Variants in PPP3CA observed in about 807,000 individuals in gnomAD.
The protein encoded by PPP3CA is CAM-PRP catalytic subunit.
Under a neutral mutation model 66.5 loss-of-function variants are expected in PPP3CA, and 14 were observed. The observed-to-expected ratio is 0.21, with a 90% CI of 0.14 to 0.33. The LOEUF is 0.33. Among genes scored for constraint, PPP3CA ranks in the 10% least tolerant of loss-of-function variants. The probability of loss-of-function intolerance (pLI) is 1.00; values close to 1 mark genes in which losing one functional copy is unlikely to be tolerated. For missense variants in PPP3CA, 317 were observed against 639.5 expected, an observed-to-expected ratio of 0.50 and a Z score of 5.44; for synonymous variants, 232 against 226.2, an observed-to-expected ratio of 1.03 and a Z score of -0.23.
At chr4:101,105,093 A>T (rs1438271616) in intron 3 of PPP3CA, among the ~76,000 whole-genome samples, 1 of 152,100 alleles carries the variant, frequency 6.6e-6, no homozygotes, top group East Asian at 1.9e-4. Flanking sequence ...ATCTAGATTA[A>T]TTGTAGACTT....
At chr4:101,335,743 T>C (rs1729609800) in intron 1 of PPP3CA, among the ~76,000 whole-genome samples, 1 of 151,950 alleles carries the variant, frequency 6.6e-6, no homozygotes, top group Non-Finnish European at 1.5e-5. Context: ...AGTTCCAAGT[T>C]GGCATGAGGA....
intron 1 of PPP3CA, among the ~76,000 whole-genome samples, chr4:101,284,863 A>G (rs186954176): frequency 1.6e-4 from 24 of 152,292 alleles, no homozygotes; most frequent in African/African-American, 5.8e-4. Flanking sequence ...ATCTGTACAG[A>G]TTGGAATCTG....
At chr4:101,204,107 C>G (rs908385242) in intron 1 of PPP3CA, among the ~76,000 whole-genome samples, 1 of 151,982 alleles carries the variant, frequency 6.6e-6, no homozygotes, top group Non-Finnish European at 1.5e-5. Context: ...CTGAGCTCAA[C>G]CAATCCTCCC....
rs142577171 is a variant in PPP3CA at position 101,300,167 on chromosome 4, C to G, written c.58+46572G>C. Among the ~76,000 whole-genome samples, 1,262 of 152,278 alleles carry G rather than the reference C, an allele frequency of 8.3e-3. 17 individuals are homozygous for G. Among genetic ancestry groups the G allele is most frequent in the African/African-American group, 0.029 (1,217 of 41,548 alleles). On this transcript the variant is annotated intron_variant, in intron 1 of 13. Transcript: ENST00000394854. ...AAATAGGGTCATACCACAAATCAGA[C>G]AAATAAGCTACAAATTAGCTTCACT...
chr4:101,221,786 A>C (rs1725632846), intron 1 of PPP3CA, among the ~76,000 whole-genome samples: 1 of 151,556 alleles, frequency 6.6e-6, no homozygotes, highest in South Asian at 2.1e-4. Flanking sequence ...TACAAAAATA[A>C]TATATAACAG....
chr4:101,205,733 T>A (rs895840574), intron 1 of PPP3CA, among the ~76,000 whole-genome samples: 2 of 152,200 alleles, frequency 1.3e-5, no homozygotes, highest in African/African-American at 4.8e-5. Flanking sequence ...GAATTGACTT[T>A]CTCTTCTTTC....
At chr4:101,196,198 T>C (rs1405467885) in intron 1 of PPP3CA, 82 bp from the exon 2 acceptor site, 10 of 1,271,026 alleles carry the variant, frequency 7.9e-6, no homozygotes, top group Non-Finnish European at 1.1e-5. Context: ...ATATCCATCC[T>C]CATCACAAAC....
chr4:101,331,949 G>T (rs961423189), intron 1 of PPP3CA, among the ~76,000 whole-genome samples: 12 of 152,066 alleles, frequency 7.9e-5, no homozygotes, highest in Non-Finnish European at 1.5e-4. Context: ...TCAAGTGTTC[G>T]TTTTAGAAAA....
chr4:101,095,798 C>T (rs781339961), intron 5 of PPP3CA, among the ~76,000 whole-genome samples: 22 of 151,958 alleles, frequency 1.4e-4, no homozygotes, highest in Admixed American at 7.9e-4. Flanking sequence ...ATTACAGGCG[C>T]GCGCCACCAT....
rs896802852 is a variant in PPP3CA, at chr4:101,145,171, CT to C, written c.260-36094del. 1.8e-4 allele frequency among the ~76,000 whole-genome samples: 27 copies of C among 152,142 alleles called. 1 individual carries two copies. Among genetic ancestry groups the C allele is most frequent in the African/African-American group, 6.5e-4 (27 of 41,526 alleles). ...CAGGAAAAAAAATCTTAAAAGGAAA[CT>C]TTGTCTGCTGTTGGTGAGAATGTAA... On this transcript the variant is annotated intron_variant, in intron 2 of 13. Transcript: ENST00000394854.
At chr4:101,178,489 C>G (rs1300410484) in intron 2 of PPP3CA, among the ~76,000 whole-genome samples, 1 of 152,032 alleles carries the variant, frequency 6.6e-6, no homozygotes, top group Non-Finnish European at 1.5e-5. Flanking sequence ...TGTATTCTAT[C>G]TAACAAATAT....
At chr4:101,081,342 A>G (rs1435079012) in intron 7 of PPP3CA, among the ~76,000 whole-genome samples, 1 of 152,184 alleles carries the variant, frequency 6.6e-6, no homozygotes, top group Non-Finnish European at 1.5e-5. Flanking sequence ...TCTACAGGTC[A>G]AAGATTATTG....
chr4:101,035,827 C>A (rs1199530279), intron 11 of PPP3CA, among the ~76,000 whole-genome samples: 1 of 152,192 alleles, frequency 6.6e-6, no homozygotes, highest in Non-Finnish European at 1.5e-5. Context: ...GATATCTCTG[C>A]AGTAATTTCC....
At chr4:101,095,947 G>A (rs1361882595) in intron 5 of PPP3CA, among the ~76,000 whole-genome samples, 2 of 152,114 alleles carry the variant, frequency 1.3e-5, no homozygotes, top group Non-Finnish European at 2.9e-5. Context: ...ACCATGCTTG[G>A]CCCAGAAAGA....
intron 2 of PPP3CA, among the ~76,000 whole-genome samples, chr4:101,138,776 C>G (rs1253562529): frequency 2.0e-5 from 3 of 152,130 alleles, no homozygotes; most frequent in Non-Finnish European, 1.5e-5. Context: ...TGATATAATA[C>G]ATGAGTATTT....
chr4:101,299,987 A>C (rs1403168615), intron 1 of PPP3CA, among the ~76,000 whole-genome samples: 1 of 152,202 alleles, frequency 6.6e-6, no homozygotes, highest in African/African-American at 2.4e-5. Context: ...ATAATCTCTT[A>C]AAAGCATAAA....
At chr4:101,308,554 T>C (rs934053926) in intron 1 of PPP3CA, among the ~76,000 whole-genome samples, 1 of 152,132 alleles carries the variant, frequency 6.6e-6, no homozygotes, top group African/African-American at 2.4e-5. Flanking sequence ...CAAGTGATCT[T>C]GCAGCTTCAG....
In PPP3CA at chr4:101,106,500, GAAAGAAAGAAAGA is replaced by G. The variant is rs1235832074; in HGVS notation, c.384+2441_384+2453del. ...GAAAAGAAAAGAAAAGAAAAGAAAA[GAAAGAAAGAAAGA>G]AAAAGAAAGAAAACATTCTATATAA... On this transcript the variant is annotated intron_variant, in intron 3 of 13. Coordinates refer to ENST00000394854, the MANE Select transcript of PPP3CA (RefSeq NM_000944.5). Among the ~76,000 whole-genome samples, 2 of 75,610 alleles carry G rather than the reference GAAAGAAAGAAAGA, an allele frequency of 2.6e-5. 1 individual carries two copies. The highest frequency in any genetic ancestry group is 9.5e-5 in the African/African-American group (2 of 20,958). The allele number at this position is 75,610 out of a possible 152,430, so 49.6% of individuals were successfully genotyped here.
intron 10 of PPP3CA, among the ~76,000 whole-genome samples, chr4:101,046,249 T>C (rs187583606): frequency 4.7e-5 from 7 of 149,074 alleles, no homozygotes; most frequent in African/African-American, 1.5e-4. Context: ...CTGTAAGAAA[T>C]AAAAACGACC....
Sources: gnomAD v4.1 joint callset for allele counts (sites outside exome capture counted in the v4.1 genomes callset) on GRCh38, gnomAD v4.1.1 for gene constraint, MANE v1.5 for transcripts, NCBI Gene and HGNC (gene_info 2026-07-23, HGNC 2026-07-21) for gene names.